Variants in CPEB2 observed in about 807,000 individuals in gnomAD.
The protein encoded by CPEB2 is cytoplasmic polyadenylation element-binding protein 2.
In CPEB2, 56 loss-of-function variants were observed where a neutral mutation model predicts 93.6. The observed-to-expected ratio is 0.60, with a 90% CI of 0.48 to 0.75. CPEB2 has a LOEUF of 0.75. CPEB2 is among the 30% of genes least tolerant of loss of function. The pLI, the probability that CPEB2 is intolerant of heterozygous loss-of-function variation, is 0.00. For synonymous variants in CPEB2, 764 were observed against 586.3 expected, an observed-to-expected ratio of 1.30 and a Z score of -4.38; for missense variants, 1,579 against 1,395.1, an observed-to-expected ratio of 1.13 and a Z score of -2.10.
At chr4:15,008,041 T>C (rs529906252) in intron 2 of CPEB2, among the ~76,000 whole-genome samples, 1 of 152,308 alleles carries the variant, frequency 6.6e-6, no homozygotes, top group South Asian at 2.1e-4. Flanking sequence ...ATATTAGGGC[T>C]TTTTTGCATC....
chr4:15,042,311 A>G (rs1309503038), intron 6 of CPEB2, among the ~76,000 whole-genome samples: 2 of 152,168 alleles, frequency 1.3e-5, no homozygotes, highest in Non-Finnish European at 2.9e-5. Flanking sequence ...TCTCAGTTCA[A>G]TAATTGTAGA....
chr4:15,008,522 A>G (rs933139773), intron 3 of CPEB2, 95 bp downstream of exon 3: 4 of 724,564 alleles, frequency 5.5e-6, no homozygotes, highest in South Asian at 4.7e-5. Context: ...TATTATACCT[A>G]TTGAAACATA....
intron 4 of CPEB2, among the ~76,000 whole-genome samples, chr4:15,031,877 A>T (rs558747705): frequency 2.6e-5 from 4 of 152,120 alleles, no homozygotes; most frequent in Admixed American, 6.6e-5. Flanking sequence ...TCCATCTTAC[A>T]TGTGGGCCTG....
Position 15,003,281 on chromosome 4 carries a change from A to G in CPEB2, c.608A>G (p.His203Arg), listed in dbSNP as rs1180041155. Residue 203 changes from histidine (H) to arginine (R), a missense_variant, in exon 1 of 12, where the codon CAC becomes CGC. This residue lies in a region of CPEB2 where 1,411 missense variants were observed against 1,056.0 expected (regional missense o/e 1.34). Transcript: ENST00000538197. ...CCGCCGCCGCCGCCTCCGCCGCTCC[A>G]CTGCCCCGGTCGGTTCAGCCCGCCG... Reference protein sequence around the residue: ...SKPPPPPPPLHCPGRFSPPPP... With the variant: ...SKPPPPPPPLRCPGRFSPPPP... 3 of 1,517,790 alleles carry G rather than the reference A, an allele frequency of 2.0e-6. No homozygotes were observed. The highest frequency in any genetic ancestry group is 2.9e-5 in the African/African-American group (2 of 68,294). 94.0% of individuals were successfully genotyped at this position (1,517,790 alleles called of 1,614,324 possible).
intron 6 of CPEB2, among the ~76,000 whole-genome samples, chr4:15,041,571 T>A (rs1727197422): frequency 1.3e-5 from 2 of 152,052 alleles, no homozygotes; most frequent in South Asian, 4.1e-4. Flanking sequence ...CCCAGCTAAA[T>A]TTTTTATTTT....
chr4:15,038,486 C>A (rs1334153883), intron 5 of CPEB2, among the ~76,000 whole-genome samples: 1 of 152,078 alleles, frequency 6.6e-6, no homozygotes. Context: ...AGGCTATGCC[C>A]AGGGATAAGC....
intron 6 of CPEB2, 151 bp from the exon 7 acceptor site, chr4:15,052,263 A>ACCTGGATTG: frequency 2.1e-6 from 1 of 479,318 alleles, no homozygotes; most frequent in Non-Finnish European, 3.5e-6. Context: ...CAGGTAATTA[A>ACCTGGATTG]AACCACATGC....
intron 3 of CPEB2, among the ~76,000 whole-genome samples, chr4:15,012,623 T>C (rs1481959880): frequency 6.6e-6 from 1 of 152,120 alleles, no homozygotes; most frequent in Non-Finnish European, 1.5e-5. Flanking sequence ...CTACTGAGTA[T>C]GGTGTGATAA....
intron 4 of CPEB2, among the ~76,000 whole-genome samples, chr4:15,023,357 G>C (rs1415951069): frequency 1.3e-5 from 2 of 151,894 alleles, no homozygotes; most frequent in African/African-American, 4.8e-5. Flanking sequence ...TCTCCAAAAT[G>C]ATAGCATTTT....
intron 3 of CPEB2, among the ~76,000 whole-genome samples, chr4:15,009,227 T>G (rs914155411): frequency 6.6e-6 from 1 of 152,254 alleles, no homozygotes; most frequent in African/African-American, 2.4e-5. Context: ...AGCTATGTTA[T>G]TCTAAGTCTC....
Position 15,003,111 on chromosome 4 carries a change from C to A in CPEB2, c.438C>A (p.His146Gln). The A allele has an allele frequency of 6.5e-7, 1 of 1,533,396 alleles. No homozygotes were observed. Among genetic ancestry groups the A allele is most frequent in the Admixed American group, 2.0e-5 (1 of 50,664 alleles). The allele number at this position is 1,533,396 out of a possible 1,614,324, so 95.0% of individuals were successfully genotyped here. Residue 146 changes from histidine to glutamine, a missense_variant, in exon 1 of 12, where the codon CAC becomes CAA. Physicochemically the swap from His to Gln is conservative, Grantham distance 24. Coordinates refer to ENST00000538197, the MANE Select transcript of CPEB2 (RefSeq NM_001177382.2). Reference protein sequence around the residue: ...PSQDFKPSLHHPSSSSASSCC... With the variant: ...PSQDFKPSLHQPSSSSASSCC... The stretch of plus-strand genomic sequence containing the variant: ...AGGACTTCAAACCGAGTCTGCACCA[C>A]CCCTCCTCCTCCTCCGCCTCCTCCT...
chr4:15,025,507 A>G (rs2109011162), intron 4 of CPEB2, among the ~76,000 whole-genome samples: 1 of 152,098 alleles, frequency 6.6e-6, no homozygotes, highest in Middle Eastern at 3.4e-3. Context: ...TAATGATTGT[A>G]ATAAGTCAAT....
chr4:15,003,167 A>G lies in CPEB2; in HGVS notation c.494A>G (p.Asp165Gly), dbSNP rs1722214534. The G allele has an allele frequency of 1.3e-6, 2 of 1,533,442 alleles. No individual in the cohort carries two copies. The highest frequency in any genetic ancestry group is 8.7e-7 in the Non-Finnish European group (1 of 1,146,014). 95.0% of individuals were successfully genotyped at this position (1,533,442 alleles called of 1,614,324 possible). A position where few individuals can be genotyped will look rare whatever the true frequency, so the allele number is the denominator to read the frequency against. The change falls in exon 1 of 12, where the codon GAC (aspartate) becomes GGC (glycine). Residue 165 changes from aspartate to glycine, a missense_variant. By Grantham distance (94) the Asp-to-Gly change is moderately conservative. Transcript: ENST00000538197. ...CCCCRTSSPQ[D>G]FSKRQQQQLS... ...TGCTGCCGCACCTCCTCCCCGCAGG[A>G]CTTCAGTAAGCGGCAGCAGCAGCAG... is the stretch of plus-strand genomic sequence containing the variant.
Position 15,003,584 on chromosome 4 carries a change from C to T in CPEB2, c.911C>T (p.Ser304Leu). ...TCCCCCAATGCGGGCTTGGCCTCCTCGACGCCGGTGAACCCCGCGCCGGGC... is the reference window on the plus strand; with the variant it reads ...TCCCCCAATGCGGGCTTGGCCTCCTTGACGCCGGTGAACCCCGCGCCGGGC... ...AESPNAGLAS[S>L]TPVNPAPGSM... The change falls in exon 1 of 12, where the codon TCG (serine) becomes TTG (leucine). Residue 304 changes from serine to leucine, a missense_variant. Around this residue, in one of 2 missense-constraint regions of CPEB2, gnomAD observed 1,411 missense variants for 1,056.0 expected, o/e 1.34. Transcript: ENST00000538197. 10 of 1,475,440 alleles carry T rather than the reference C, an allele frequency of 6.8e-6. No individual in the cohort carries two copies. Among genetic ancestry groups the T allele is most frequent in the Non-Finnish European group, 8.1e-6 (9 of 1,117,472 alleles). 91.4% of individuals were successfully genotyped at this position (1,475,440 alleles called of 1,614,324 possible).
At chr4:15,048,468 A>G (rs1727920148) in intron 6 of CPEB2, among the ~76,000 whole-genome samples, 1 of 151,394 alleles carries the variant, frequency 6.6e-6, no homozygotes, top group Non-Finnish European at 1.5e-5. Context: ...TTTTCAAGGG[A>G]TTTGTTTCCT....
intron 6 of CPEB2, among the ~76,000 whole-genome samples, chr4:15,045,902 C>T (rs192067498): frequency 1.8e-3 from 272 of 152,056 alleles, no homozygotes; most frequent in Middle Eastern, 3.4e-3. Flanking sequence ...GCTTTTTGTA[C>T]GGAAATTGTA....
chr4:15,052,873 G>C (rs1029026675), intron 7 of CPEB2, among the ~76,000 whole-genome samples: 1 of 151,848 alleles, frequency 6.6e-6, no homozygotes, highest in Non-Finnish European at 1.5e-5. Context: ...TTAAAATATA[G>C]AATATATTTA....
At chr4:15,041,121 G>C (rs979792963) in intron 6 of CPEB2, among the ~76,000 whole-genome samples, 74 of 151,998 alleles carry the variant, frequency 4.9e-4, no homozygotes, top group African/African-American at 1.8e-3. Flanking sequence ...CCTAAGGAAA[G>C]AGGACTATGT....
rs1282503884 is a variant in CPEB2, at chr4:15,069,463, C to A, written c.*3083C>A. 6.6e-6 allele frequency: 1 copy of A among 152,202 alleles called. No individual in the cohort carries two copies. Among genetic ancestry groups the A allele is most frequent in the Admixed American group, 6.6e-5 (1 of 15,204 alleles). 9.4% of individuals were successfully genotyped at this position (152,202 alleles called of 1,614,324 possible). On this transcript the variant is annotated 3_prime_UTR_variant, in exon 12 of 12. Transcript: ENST00000538197. The stretch of plus-strand genomic sequence containing the variant: ...AAAGATACCCCTTTTGTCATTGCAA[C>A]TATTTTTTAAATCCAGAAATCTTTG...
Sources: allele counts gnomAD v4.1 joint callset (sites outside exome capture counted in the v4.1 genomes callset), GRCh38; gene constraint gnomAD v4.1.1; regional missense constraint gnomAD v4.1.1; transcripts MANE v1.5; gene names NCBI Gene and HGNC (gene_info 2026-07-23, HGNC 2026-07-21).